Variants in SUPT3H observed in about 807,000 individuals in gnomAD.
SUPT3H encodes transcription initiation protein SPT3 homolog.
SUPT3H carries 44 observed loss-of-function variants against 44.3 expected under a neutral mutation model. The ratio of observed to expected loss-of-function variants is 0.99; its 90% confidence interval spans 0.78 to 1.28. The LOEUF (loss-of-function observed/expected upper bound fraction) is 1.28. SUPT3H is among the 50% of genes most tolerant of loss of function. The probability of loss-of-function intolerance (pLI) is 0.00; values close to 1 mark genes in which losing one functional copy is unlikely to be tolerated. For missense variants in SUPT3H, 380 were observed against 387.1 expected, an observed-to-expected ratio of 0.98 and a Z score of 0.15; for synonymous variants, 124 against 125.6, an observed-to-expected ratio of 0.99 and a Z score of 0.09.
At chr6:44,863,665 CG>C (rs1490525276) in intron 10 of SUPT3H, among the ~76,000 whole-genome samples, 2 of 151,968 alleles carry the variant, frequency 1.3e-5, no homozygotes, top group Non-Finnish European at 2.9e-5. Flanking sequence ...AAGAGGTTGT[CG>C]GGGGCCAGAT....
At chr6:45,109,793 C>CT (rs199794874) in intron 2 of SUPT3H, among the ~76,000 whole-genome samples, 2,668 of 152,276 alleles carry the variant, frequency 0.018, 49 homozygotes, top group South Asian at 0.085. Context: ...TTGTAAGCCA[C>CT]TTAAAGACAG....
chr6:45,211,822 C>G (rs1282798816), intron 2 of SUPT3H, among the ~76,000 whole-genome samples: 2 of 151,216 alleles, frequency 1.3e-5, no homozygotes, highest in Admixed American at 6.6e-5. Context: ...GCACTCCAGC[C>G]TGGCGACACA....
intron 2 of SUPT3H, among the ~76,000 whole-genome samples, chr6:45,176,730 G>A (rs948934458): frequency 6.6e-6 from 1 of 152,212 alleles, no homozygotes; most frequent in African/African-American, 2.4e-5. Context: ...GGAGATCTGA[G>A]AACAGGCAGA....
chr6:45,035,370 T>C (rs1228623232), intron 3 of SUPT3H, among the ~76,000 whole-genome samples: 2 of 152,118 alleles, frequency 1.3e-5, no homozygotes, highest in Admixed American at 6.6e-5. Context: ...ATACAAAGTG[T>C]CTGGTACTGT....
intron 2 of SUPT3H, among the ~76,000 whole-genome samples, chr6:45,311,680 A>G (rs754616710): frequency 6.6e-5 from 10 of 152,124 alleles, no homozygotes; most frequent in Non-Finnish European, 1.3e-4. Flanking sequence ...AAACAAAACA[A>G]TCTTCAGCCA....
chr6:45,131,777 A>C (rs1201018854), intron 2 of SUPT3H, among the ~76,000 whole-genome samples: 1 of 152,200 alleles, frequency 6.6e-6, no homozygotes, highest in East Asian at 1.9e-4. Flanking sequence ...ATAGAGAAAA[A>C]CAGGTGAATT....
chr6:45,085,446 A>C (rs778589633), intron 3 of SUPT3H, among the ~76,000 whole-genome samples: 24 of 152,066 alleles, frequency 1.6e-4, no homozygotes, highest in Non-Finnish European at 2.6e-4. Flanking sequence ...TCCTTTTTTT[A>C]CATCTGACAA....
intron 10 of SUPT3H, among the ~76,000 whole-genome samples, chr6:44,919,253 T>C (rs1259077685): frequency 1.3e-5 from 2 of 152,110 alleles, no homozygotes; most frequent in African/African-American, 4.8e-5. Flanking sequence ...AATAATGCCT[T>C]GGATCTTACC....
At chr6:45,317,747 C>A (rs1784920412) in intron 2 of SUPT3H, among the ~76,000 whole-genome samples, 1 of 151,980 alleles carries the variant, frequency 6.6e-6, no homozygotes, top group East Asian at 1.9e-4. Flanking sequence ...TAGAAGAAAA[C>A]AGAGGGGAAA....
At chr6:45,099,555 C>T (rs1798263472) in intron 3 of SUPT3H, among the ~76,000 whole-genome samples, 1 of 152,080 alleles carries the variant, frequency 6.6e-6, no homozygotes, top group Non-Finnish European at 1.5e-5. Flanking sequence ...ATAATTATCT[C>T]TTCTTAAAAC....
At chr6:45,218,371 G>GA (rs368685058) in intron 2 of SUPT3H, among the ~76,000 whole-genome samples, 1 of 151,808 alleles carries the variant, frequency 6.6e-6, no homozygotes, top group Non-Finnish European at 1.5e-5. Flanking sequence ...GATAGAGCTG[G>GA]AAAAAAAATT....
At chr6:45,181,861 T>TATA (rs199502646) in intron 2 of SUPT3H, among the ~76,000 whole-genome samples, 3 of 109,128 alleles carry the variant, frequency 2.7e-5, no homozygotes, top group African/African-American at 1.1e-4. Flanking sequence ...AAACTTAAAG[T>TATA]ATAATAATAA....
chr6:45,216,191 G>A (rs1336466571), intron 2 of SUPT3H, among the ~76,000 whole-genome samples: 1 of 104,062 alleles, frequency 9.6e-6, no homozygotes, highest in African/African-American at 6.6e-5. Flanking sequence ...GAAGTAAAAG[G>A]ATGGTAACTA....
intron 2 of SUPT3H, chr6:45,328,770 A>G: frequency 2.5e-6 from 4 of 1,612,176 alleles, no homozygotes; most frequent in Non-Finnish European, 3.4e-6. Context: ...CCATGTCAGC[A>G]AAACTTCTTT....
intron 3 of SUPT3H, among the ~76,000 whole-genome samples, chr6:45,044,656 T>C (rs1789095189): frequency 6.6e-6 from 1 of 152,114 alleles, no homozygotes; most frequent in Non-Finnish European, 1.5e-5. Context: ...GCTTGAGAGA[T>C]GGAATATAAC....
intron 5 of SUPT3H, among the ~76,000 whole-genome samples, chr6:45,013,315 G>A (rs1233231935): frequency 2.0e-5 from 3 of 151,920 alleles, no homozygotes; most frequent in Non-Finnish European, 4.4e-5. Context: ...TCATCACCAG[G>A]ATCTTCATTG....
intron 3 of SUPT3H, among the ~76,000 whole-genome samples, chr6:45,029,999 A>C (rs377144669): frequency 6.6e-6 from 1 of 152,194 alleles, no homozygotes; most frequent in East Asian, 1.9e-4. Context: ...TCCTTGGCTC[A>C]AGTGATACTC....
chr6:45,043,134 T>TACATACATAC (rs1788809331), intron 3 of SUPT3H, among the ~76,000 whole-genome samples: 1 of 50,490 alleles, frequency 2.0e-5, no homozygotes, highest in South Asian at 8.2e-4. Context: ...GTATCTTACA[T>TACATACATAC]ACACACATAC....
At chr6:45,033,973 C>T (rs949183056) in intron 3 of SUPT3H, among the ~76,000 whole-genome samples, 2 of 152,040 alleles carry the variant, frequency 1.3e-5, no homozygotes, top group Admixed American at 6.6e-5. Flanking sequence ...GGGATGACCC[C>T]AATGGAAGTA....
Sources: allele counts gnomAD v4.1 joint callset (sites outside exome capture counted in the v4.1 genomes callset), GRCh38; gene constraint gnomAD v4.1.1; transcripts MANE v1.5; gene names NCBI Gene and HGNC (gene_info 2026-07-23, HGNC 2026-07-21).